FLNB: variants seen among roughly 807,000 people sequenced by gnomAD.
The protein encoded by FLNB is filamin-B.
Under a neutral mutation model 250.6 loss-of-function variants are expected in FLNB, and 111 were observed. The ratio of observed to expected loss-of-function variants is 0.44; its 90% CI spans 0.38 to 0.52. FLNB has a LOEUF of 0.52. Ranked by LOEUF, FLNB falls within the 20% of genes least tolerant of loss-of-function variation. The pLI is 0.00. For missense variants in FLNB, 2,869 were observed against 3,447.8 expected (o/e 0.83, Z 4.20); for synonymous variants, 1,302 against 1,372.1 (o/e 0.95, Z 1.13).
At chr3:58,109,860 A>G in intron 15 of FLNB, 150 bp from the exon 16 acceptor site, 1 of 1,382,256 alleles carries the variant, frequency 7.2e-7, no homozygotes, top group Non-Finnish European at 1.0e-6. Context: ...TTGCTAATCC[A>G]TCATCCCTTT....
At position 58,159,704 on chromosome 3, in the gene FLNB, T is replaced by TG. The variant is rs758851584; in HGVS notation, c.7021+24dup. Reference sequence around the variant, plus strand: ...GGAGCCAGGTGAGCAGGAGGCCTGCTGGGGGGTCCCAGCACCAGCACTTTC... The same window carrying TG: ...GGAGCCAGGTGAGCAGGAGGCCTGCTGGGGGGGTCCCAGCACCAGCACTTTC... On this transcript the variant is annotated intron_variant, in intron 42 of 45. Coordinates refer to ENST00000295956, the MANE Select transcript of FLNB (RefSeq NM_001457.4). 1.1e-5 allele frequency: 18 copies of TG among 1,611,682 alleles called. 1 individual carries two copies. The highest frequency in any genetic ancestry group is 4.4e-5 in the South Asian group (4 of 91,032).
chr3:58,115,625 C>T (rs1241049665), intron 18 of FLNB, among the ~76,000 whole-genome samples: 4 of 152,188 alleles, frequency 2.6e-5, no homozygotes, highest in African/African-American at 9.6e-5. Context: ...TCACATTCAT[C>T]CAGTTCTCTG....
At chr3:58,031,317 A>T (rs1454027829) in intron 1 of FLNB, among the ~76,000 whole-genome samples, 1 of 151,846 alleles carries the variant, frequency 6.6e-6, no homozygotes, top group Non-Finnish European at 1.5e-5. Flanking sequence ...ATCTCGGCTC[A>T]CTGCAAGCTC....
chr3:58,043,664 C>T (rs1485469217), intron 1 of FLNB, among the ~76,000 whole-genome samples: 2 of 152,072 alleles, frequency 1.3e-5, no homozygotes, highest in Admixed American at 6.5e-5. Context: ...CATCTCTGGA[C>T]CTTTATGCCT....
At chr3:58,018,819 A>G (rs540518935) in intron 1 of FLNB, among the ~76,000 whole-genome samples, 29 of 152,060 alleles carry the variant, frequency 1.9e-4, no homozygotes, top group Middle Eastern at 3.4e-3. Context: ...TGCCCCGCCT[A>G]TGTATTCATT....
At chr3:58,098,596 G>C (rs2097243313) in intron 7 of FLNB, 115 bp from the exon 8 acceptor site, 1 of 964,642 alleles carries the variant, frequency 1.0e-6, no homozygotes, top group Non-Finnish European at 1.6e-6. Flanking sequence ...GCCTCTCGAA[G>C]TGCTGGGATT....
intron 32 of FLNB, among the ~76,000 whole-genome samples, chr3:58,144,890 T>C (rs2097333346): frequency 6.6e-6 from 1 of 152,246 alleles, no homozygotes; most frequent in African/African-American, 2.4e-5. Context: ...TCTATTTGTA[T>C]TTCTTTTTCT....
chr3:58,170,811 C>T lies in FLNB; in HGVS notation c.*49C>T. 1 of 1,554,776 alleles carries T rather than the reference C, an allele frequency of 6.4e-7. No individual in the cohort carries two copies. Among genetic ancestry groups the T allele is most frequent in the Non-Finnish European group, 8.8e-7 (1 of 1,133,284 alleles). On this transcript the variant is annotated 3_prime_UTR_variant, in exon 46 of 46. Coordinates refer to ENST00000295956, the MANE Select transcript of FLNB (RefSeq NM_001457.4). ...AGAGTTCTTGTGGTTGCTTTTGTTGCTTGTTTGTAATTCATTTTATACAAA... is the reference window on the plus strand; with the variant it reads ...AGAGTTCTTGTGGTTGCTTTTGTTGTTTGTTTGTAATTCATTTTATACAAA...
intron 24 of FLNB, 72 bp from the exon 25 acceptor site, chr3:58,130,669 G>T (rs2097305914): frequency 2.6e-6 from 4 of 1,514,482 alleles, no homozygotes. Flanking sequence ...GAGCAGCAGT[G>T]CTATTCTGGG....
chr3:58,131,924 T>C, intron 25 of FLNB: 3 of 1,535,836 alleles, frequency 2.0e-6, no homozygotes, highest in Non-Finnish European at 2.6e-6. Flanking sequence ...CTTTTGATTT[T>C]AGCTGACGAC....
At chr3:58,087,218 GA>G (rs1379408794) in intron 4 of FLNB, among the ~76,000 whole-genome samples, 1 of 152,186 alleles carries the variant, frequency 6.6e-6, no homozygotes, top group Non-Finnish European at 1.5e-5. Flanking sequence ...CTGAATATTT[GA>G]CATTAAGGAA....
chr3:58,143,865 A>G (rs1048969348), intron 32 of FLNB, among the ~76,000 whole-genome samples: 4 of 152,134 alleles, frequency 2.6e-5, no homozygotes, highest in African/African-American at 9.7e-5. Flanking sequence ...CTTTGTCACT[A>G]CGCTGAGTGT....
At chr3:58,096,280 C>T in intron 6 of FLNB, 62 bp downstream of exon 6, 1 of 1,160,060 alleles carries the variant, frequency 8.6e-7, no homozygotes, top group South Asian at 1.2e-5. Context: ...GAAAGATAGC[C>T]CAGGAAGAAG....
chr3:58,053,772 G>T (rs1440018776), intron 1 of FLNB, among the ~76,000 whole-genome samples: 4 of 152,060 alleles, frequency 2.6e-5, no homozygotes, highest in East Asian at 1.9e-4. Context: ...CAAACATGTG[G>T]TTTTTTTAAA....
At chr3:58,123,916 C>T (rs1029202833) in intron 21 of FLNB, among the ~76,000 whole-genome samples, 1 of 152,094 alleles carries the variant, frequency 6.6e-6, no homozygotes, top group Non-Finnish European at 1.5e-5. Context: ...TTCTGTTTCT[C>T]CATGGGGAAC....
intron 1 of FLNB, among the ~76,000 whole-genome samples, chr3:58,033,249 T>G (rs992466270): frequency 1.3e-5 from 2 of 152,208 alleles, no homozygotes; most frequent in East Asian, 3.8e-4. Context: ...CCCAGAAGTT[T>G]CCTTGTGCCT....
intron 1 of FLNB, among the ~76,000 whole-genome samples, chr3:58,050,248 T>C (rs867793330): frequency 3.3e-5 from 5 of 152,206 alleles, no homozygotes; most frequent in South Asian, 4.1e-4. Flanking sequence ...CAGGACGGTC[T>C]TGAGCTCTTG....
At chr3:58,099,702 A>G (rs1001458513) in intron 8 of FLNB, among the ~76,000 whole-genome samples, 2 of 152,004 alleles carry the variant, frequency 1.3e-5, no homozygotes, top group Non-Finnish European at 2.9e-5. Context: ...TTGGCTTCCT[A>G]GTTGAGACCA....
chr3:58,125,659 G>T lies in FLNB; in HGVS notation c.3977G>T (p.Cys1326Phe), dbSNP rs1375403160. ...TTCAAGGTGGCTGTCACTGAAGGCT[G>T]CCAGCCATCTAGGGTGCAAGCCCAA... The part of the protein sequence containing the change: ...SPFKVAVTEG[C>F]QPSRVQAQGP... Residue 1326 changes from cysteine (C) to phenylalanine (F), a missense_variant, in exon 23 of 46, where the codon TGC becomes TTC. Coordinates refer to ENST00000295956, the MANE Select transcript of FLNB (RefSeq NM_001457.4). The T allele has an allele frequency of 6.2e-7, 1 of 1,614,074 alleles. No individual in the cohort carries two copies. The highest frequency in any genetic ancestry group is 1.3e-5 in the African/African-American group (1 of 74,936).
Sources: gnomAD v4.1 joint callset for allele counts (sites outside exome capture counted in the v4.1 genomes callset) on GRCh38, gnomAD v4.1.1 for gene constraint, MANE v1.5 for transcripts, NCBI Gene and HGNC (gene_info 2026-07-23, HGNC 2026-07-21) for gene names.